Variants in CNBD1 observed in about 807,000 individuals in gnomAD.
The protein encoded by CNBD1 is cyclic nucleotide-binding domain-containing protein 1.
A neutral mutation model predicts 54.4 loss-of-function variants in CNBD1; 71 were observed. That is an observed-to-expected ratio of 1.30 (90% CI 1.08 to 1.59). The LOEUF is 1.59. Ranked by LOEUF, CNBD1 falls within the 40% of genes most tolerant of loss-of-function variation. CNBD1 has a pLI of 0.00. For synonymous variants in CNBD1, 182 were observed against 170.7 expected (o/e 1.07, Z -0.51); for missense variants, 659 against 518.0 (o/e 1.27, Z -2.64).
chr8:86,938,195 T>A (rs1182333548), intron 3 of CNBD1, among the ~76,000 whole-genome samples: 1 of 152,148 alleles, frequency 6.6e-6, no homozygotes, highest in Non-Finnish European at 1.5e-5. Flanking sequence ...TTCTGACAAG[T>A]TCCTCATCTC....
chr8:87,074,057 C>T (rs962303465), intron 4 of CNBD1, among the ~76,000 whole-genome samples: 20 of 149,848 alleles, frequency 1.3e-4, no homozygotes, highest in Admixed American at 6.7e-4. Flanking sequence ...GCCGAGATCG[C>T]GCCACTGCAC....
intron 4 of CNBD1, among the ~76,000 whole-genome samples, chr8:87,070,569 T>C (rs549777411): frequency 1.8e-4 from 27 of 152,200 alleles, no homozygotes; most frequent in African/African-American, 6.5e-4. Context: ...AGGGAAATTG[T>C]GAGAAAAAGA....
Position 87,279,284 on chromosome 8 carries a change from A to G in CNBD1, c.772-5394A>G, listed in dbSNP as rs115478006. 8.5e-3 allele frequency among the ~76,000 whole-genome samples: 1,287 copies of G among 151,632 alleles called. 19 individuals carry two copies. Among genetic ancestry groups the G allele is most frequent in the African/African-American group, 0.029 (1,217 of 41,530 alleles). Reference sequence around the variant, plus strand: ...CAACAAAATGATAATGAAAGAATATATAAGTTAAAAGAGAACAAAATATAG... The same window carrying G: ...CAACAAAATGATAATGAAAGAATATGTAAGTTAAAAGAGAACAAAATATAG... On this transcript the variant is annotated intron_variant, in intron 6 of 10. Coordinates refer to ENST00000518476, the MANE Select transcript of CNBD1 (RefSeq NM_173538.3).
intron 1 of CNBD1, among the ~76,000 whole-genome samples, chr8:86,872,408 T>TTTATA (rs2131767658): frequency 6.6e-6 from 1 of 152,312 alleles, no homozygotes; most frequent in Non-Finnish European, 1.5e-5. Flanking sequence ...ACATTTTATA[T>TTTATA]AATCACATTT....
At chr8:87,031,346 A>C (rs66467073) in intron 4 of CNBD1, among the ~76,000 whole-genome samples, 45,515 of 151,898 alleles carry the variant, frequency 0.3, 7,936 homozygotes, top group Admixed American at 0.43. Flanking sequence ...CATTGCTTTC[A>C]TAGTAAGGCA....
intron 2 of CNBD1, among the ~76,000 whole-genome samples, chr8:87,422,199 C>T (rs1029905650): frequency 4.1e-5 from 6 of 145,962 alleles, no homozygotes; most frequent in African/African-American, 5.3e-5. Context: ...GAGTAGGTTG[C>T]AAAAATTTTT....
intron 4 of CNBD1, among the ~76,000 whole-genome samples, chr8:87,084,935 A>C (rs1353195707): frequency 6.6e-6 from 1 of 152,190 alleles, no homozygotes; most frequent in Non-Finnish European, 1.5e-5. Context: ...TCAGTCTCCC[A>C]AAGTGCTGGA....
chr8:87,043,893 T>A (rs1810125944), intron 4 of CNBD1, among the ~76,000 whole-genome samples: 1 of 152,164 alleles, frequency 6.6e-6, no homozygotes, highest in African/African-American at 2.4e-5. Context: ...TTCCTCCCCA[T>A]CCCACTGTCA....
chr8:87,009,264 A>G lies in CNBD1; in HGVS notation c.431+69510A>G, dbSNP rs144549128. On this transcript the variant is annotated intron_variant, in intron 4 of 10. Transcript: ENST00000518476. Reference sequence around the variant, plus strand: ...TCTGCCATTTAATTTAATTCTACATATATTTTCACACTCCCAAACCATTAT... The same window carrying G: ...TCTGCCATTTAATTTAATTCTACATGTATTTTCACACTCCCAAACCATTAT... Among the ~76,000 whole-genome samples the G allele has an allele frequency of 3.4e-3, 511 of 151,934 alleles. 4 individuals are homozygous for G. The highest frequency in any genetic ancestry group is 0.012 in the African/African-American group (487 of 41,508).
chr8:87,213,476 G>A (rs1814144878), intron 5 of CNBD1, among the ~76,000 whole-genome samples: 2 of 152,112 alleles, frequency 1.3e-5, no homozygotes. Context: ...CATCTTACAT[G>A]GTGGCAGACA....
At chr8:87,262,496 C>T (rs562346596) in intron 6 of CNBD1, among the ~76,000 whole-genome samples, 1 of 152,120 alleles carries the variant, frequency 6.6e-6, no homozygotes, top group South Asian at 2.1e-4. Flanking sequence ...CCAATGTGGG[C>T]AGCCAACATC....
At chr8:86,879,481 G>A (rs1438663932) in intron 1 of CNBD1, among the ~76,000 whole-genome samples, 1 of 152,170 alleles carries the variant, frequency 6.6e-6, no homozygotes, top group Non-Finnish European at 1.5e-5. Flanking sequence ...TAAAAGTATG[G>A]ATGAGTTTTT....
At chr8:87,312,952 A>G (rs762229312) in intron 8 of CNBD1, among the ~76,000 whole-genome samples, 1 of 152,038 alleles carries the variant, frequency 6.6e-6, no homozygotes, top group African/African-American at 2.4e-5. Flanking sequence ...TTAGTATTCA[A>G]CGATATATTG....
intron 10 of CNBD1, among the ~76,000 whole-genome samples, chr8:87,380,722 T>A (rs191380991): frequency 1.3e-5 from 2 of 152,144 alleles, no homozygotes; most frequent in East Asian, 3.9e-4. Flanking sequence ...AGTAAACAAG[T>A]CTTTTACCTC....
intron 2 of CNBD1, among the ~76,000 whole-genome samples, chr8:86,901,545 A>G (rs897411075): frequency 9.2e-5 from 14 of 152,304 alleles, no homozygotes; most frequent in African/African-American, 3.4e-4. Flanking sequence ...TCGGGCTGCT[A>G]TAGATAAACA....
chr8:87,394,235 T>G (rs1279569670), intron 2 of CNBD1, among the ~76,000 whole-genome samples: 2 of 151,784 alleles, frequency 1.3e-5, no homozygotes, highest in African/African-American at 4.8e-5. Flanking sequence ...ATAAGAAGAC[T>G]CCTAACAATG....
At chr8:86,940,132 C>CTTTTTTTTTTTTTTTTTTTTTTTTTT (rs10671983) in intron 4 of CNBD1, among the ~76,000 whole-genome samples, 4 of 88,742 alleles carry the variant, frequency 4.5e-5, no homozygotes, top group East Asian at 3.8e-4. Context: ...CCACATGTTA[C>CTTTTTTTTTTTTTTTTTTTTTTTTTT]TTTTTTTTTT....
At chr8:86,878,084 G>GTC in intron 1 of CNBD1, among the ~76,000 whole-genome samples, 1 of 138,790 alleles carries the variant, frequency 7.2e-6, no homozygotes, top group Admixed American at 7.7e-5. Flanking sequence ...TCAAAGCTGT[G>GTC]TGTGTGTGTG....
chr8:87,293,110 T>C (rs552605648), intron 8 of CNBD1, among the ~76,000 whole-genome samples: 5 of 152,196 alleles, frequency 3.3e-5, no homozygotes, highest in Non-Finnish European at 5.9e-5. Context: ...ATACCTAGTT[T>C]TTTCAACATT....
Sources: allele counts gnomAD v4.1 joint callset (sites outside exome capture counted in the v4.1 genomes callset), GRCh38; gene constraint gnomAD v4.1.1; transcripts MANE v1.5; gene names NCBI Gene and HGNC (gene_info 2026-07-23, HGNC 2026-07-21).